Variants in CSMD1 observed in about 807,000 individuals in gnomAD.
CSMD1 encodes the protein CUB and sushi domain-containing protein 1.
In CSMD1, 213 loss-of-function variants were observed where a neutral mutation model predicts 417.5. That is an observed-to-expected ratio of 0.51 (90% confidence interval 0.46 to 0.57). The LOEUF (loss-of-function observed/expected upper bound fraction) is 0.57. Ranked by LOEUF, CSMD1 falls within the 20% of genes least tolerant of loss-of-function variation. The probability of loss-of-function intolerance (pLI) is 0.00; values close to 1 mark genes in which losing one functional copy is unlikely to be tolerated. For synonymous variants in CSMD1, 2,862 were observed against 1,736.8 expected (o/e 1.65, Z -16.11); for missense variants, 6,923 against 4,529.7 (o/e 1.53, Z -15.17).
chr8:3,755,518 T>C (rs370047969), intron 5 of CSMD1, among the ~76,000 whole-genome samples: 47 of 152,326 alleles, frequency 3.1e-4, no homozygotes, highest in African/African-American at 1.1e-3. Flanking sequence ...TGAACTGTGG[T>C]GCTGCGTGTG....
intron 10 of CSMD1, among the ~76,000 whole-genome samples, chr8:3,521,588 C>T (rs1405208950): frequency 6.6e-6 from 1 of 152,166 alleles, no homozygotes; most frequent in Non-Finnish European, 1.5e-5. Flanking sequence ...ACCATCATTG[C>T]TCCTTCTTGG....
chr8:3,042,545 C>T (rs62490503), intron 50 of CSMD1, among the ~76,000 whole-genome samples: 32,211 of 152,062 alleles, frequency 0.21, 3,968 homozygotes, highest in East Asian at 0.31. Context: ...CAGCTGAAAG[C>T]GGGACGGGCA....
intron 4 of CSMD1, among the ~76,000 whole-genome samples, chr8:4,006,102 C>T (rs1436866047): frequency 1.3e-5 from 2 of 152,202 alleles, no homozygotes; most frequent in East Asian, 3.8e-4. Flanking sequence ...ACAGAAAGCA[C>T]CATGTCCGAG....
chr8:3,812,414 C>G (rs1585034914), intron 5 of CSMD1, among the ~76,000 whole-genome samples: 1 of 152,144 alleles, frequency 6.6e-6, no homozygotes, highest in South Asian at 2.1e-4. Flanking sequence ...CTGTTGACAC[C>G]TAGATATTAA....
At chr8:3,953,485 G>T (rs1457773165) in intron 5 of CSMD1, among the ~76,000 whole-genome samples, 1 of 152,128 alleles carries the variant, frequency 6.6e-6, no homozygotes, top group East Asian at 1.9e-4. Flanking sequence ...AGAGGTGTAT[G>T]GGCTGAGTTT....
chr8:4,596,113 A>C, intron 2 of CSMD1, among the ~76,000 whole-genome samples: 1 of 152,280 alleles, frequency 6.6e-6, no homozygotes, highest in East Asian at 1.9e-4. Flanking sequence ...AATTGTAATA[A>C]TGAATGTAGT....
At chr8:3,134,808 CCTCT>C (rs1458048578) in intron 41 of CSMD1, among the ~76,000 whole-genome samples, 1 of 152,162 alleles carries the variant, frequency 6.6e-6, no homozygotes, top group African/African-American at 2.4e-5. Flanking sequence ...AATTTGCCAA[CCTCT>C]CTGAGCCTCA....
intron 26 of CSMD1, among the ~76,000 whole-genome samples, chr8:3,254,965 A>G (rs927977814): frequency 6.6e-6 from 1 of 151,988 alleles, no homozygotes; most frequent in African/African-American, 2.4e-5. Flanking sequence ...TAGAGTTTAC[A>G]GTTTTTCTGC....
chr8:3,059,711 T>G (rs187792031), intron 49 of CSMD1, among the ~76,000 whole-genome samples: 9 of 151,976 alleles, frequency 5.9e-5, no homozygotes, highest in Admixed American at 3.3e-4. Context: ...GGGCAGCCCA[T>G]GAGAGAGAGG....
intron 23 of CSMD1, among the ~76,000 whole-genome samples, chr8:3,314,445 A>T (rs2117437999): frequency 6.6e-6 from 1 of 152,270 alleles, no homozygotes; most frequent in East Asian, 1.9e-4. Context: ...ACTAGTCTGC[A>T]ATTATTCAGG....
chr8:3,090,559 T>G (rs954699157), intron 48 of CSMD1, among the ~76,000 whole-genome samples: 2 of 152,142 alleles, frequency 1.3e-5, no homozygotes, highest in African/African-American at 4.8e-5. Flanking sequence ...AGCTAAAACC[T>G]TATTCTTACA....
intron 16 of CSMD1, among the ~76,000 whole-genome samples, chr8:3,398,762 A>G (rs1167070897): frequency 6.6e-6 from 1 of 152,208 alleles, no homozygotes; most frequent in African/African-American, 2.4e-5. Context: ...GTTGAGAGAA[A>G]TGGGAAAACC....
intron 3 of CSMD1, among the ~76,000 whole-genome samples, chr8:4,416,406 G>A (rs764799278): frequency 1.3e-5 from 2 of 151,964 alleles, no homozygotes; most frequent in Non-Finnish European, 2.9e-5. Context: ...AATTATTGAA[G>A]TCCATGTATG....
intron 5 of CSMD1, among the ~76,000 whole-genome samples, chr8:3,924,989 G>C (rs938758585): frequency 6.6e-6 from 1 of 151,868 alleles, no homozygotes; most frequent in African/African-American, 2.4e-5. Context: ...TATTTCTTTA[G>C]TCCTTGCTGA....
At chr8:4,364,428 A>G (rs1801952285) in intron 3 of CSMD1, among the ~76,000 whole-genome samples, 1 of 152,096 alleles carries the variant, frequency 6.6e-6, no homozygotes, top group Non-Finnish European at 1.5e-5. Context: ...TACAAGATTC[A>G]TTTGTTTTTC....
At chr8:3,595,039 G>A (rs1410966474) in intron 8 of CSMD1, among the ~76,000 whole-genome samples, 3 of 152,282 alleles carry the variant, frequency 2.0e-5, no homozygotes, top group East Asian at 3.9e-4. Flanking sequence ...CACGCGGCAC[G>A]TGAACCCTTG....
chr8:4,273,596 T>C (rs1380723067), intron 3 of CSMD1, among the ~76,000 whole-genome samples: 2 of 152,200 alleles, frequency 1.3e-5, no homozygotes, highest in African/African-American at 4.8e-5. Context: ...TGTCGTTCAT[T>C]TGAAATTCAA....
intron 1 of CSMD1, among the ~76,000 whole-genome samples, chr8:4,990,313 A>G (rs1811394162): frequency 6.6e-6 from 1 of 152,242 alleles, no homozygotes; most frequent in Non-Finnish European, 1.5e-5. Context: ...GCAACAGGAA[A>G]AAAACATGAT....
intron 2 of CSMD1, among the ~76,000 whole-genome samples, chr8:4,423,193 G>C (rs1262603797): frequency 6.6e-6 from 1 of 152,076 alleles, no homozygotes; most frequent in South Asian, 2.1e-4. Context: ...TCAATATCGT[G>C]CTGGAATATC....
Sources: gnomAD v4.1 joint callset for allele counts (sites outside exome capture counted in the v4.1 genomes callset) on GRCh38, gnomAD v4.1.1 for gene constraint, MANE v1.5 for transcripts, NCBI Gene and HGNC (gene_info 2026-07-23, HGNC 2026-07-21) for gene names.